The following SUCO variants were observed in gnomAD, a reference collection of about 807,000 sequenced individuals.
SUCO encodes SUN domain-containing ossification factor.
In SUCO, 57 loss-of-function variants were observed where a neutral mutation model predicts 148.1. The ratio of observed to expected loss-of-function variants is 0.38; its 90% CI spans 0.31 to 0.48. The LOEUF is 0.48. Ranked by LOEUF, SUCO falls within the 20% of genes least tolerant of loss-of-function variation. The probability of loss-of-function intolerance (pLI) is 0.96; values close to 1 mark genes in which losing one functional copy is unlikely to be tolerated. For synonymous variants in SUCO, 470 were observed against 502.7 expected, an observed-to-expected ratio of 0.93 and a Z score of 0.87; for missense variants, 1,331 against 1,468.2, an observed-to-expected ratio of 0.91 and a Z score of 1.53.
At chr1:172,573,689 G>A (rs1477433020) in intron 9 of SUCO, among the ~76,000 whole-genome samples, 1 of 151,932 alleles carries the variant, frequency 6.6e-6, no homozygotes, top group Admixed American at 6.6e-5. Flanking sequence ...TTTATTTACA[G>A]GTCTTTTCCC....
chr1:172,553,624 A>G (rs886103623), intron 3 of SUCO, among the ~76,000 whole-genome samples: 2 of 152,002 alleles, frequency 1.3e-5, no homozygotes, highest in African/African-American at 4.8e-5. Flanking sequence ...CCTCGGTTCT[A>G]TTTTGGTTCA....
chr1:172,609,969 A>G lies in SUCO; in HGVS notation c.3475A>G (p.Lys1159Glu), dbSNP rs1021379236. The change falls in exon 24 of 24, where the codon AAA becomes GAA. Residue 1159 changes from lysine (K) to glutamate (E), a missense_variant. By Grantham distance (56) the Lys-to-Glu change is moderately conservative (BLOSUM62 1). This residue lies in a region of SUCO where 334 missense variants were observed against 352.3 expected (regional missense o/e 0.95). Transcript: ENST00000263688. ...GGGAGAAGTTTATCACTCTTCTTATAAAGGTCCTCCATCTGAAGGAAGCTC... is the reference window on the plus strand; with the variant it reads ...GGGAGAAGTTTATCACTCTTCTTATGAAGGTCCTCCATCTGAAGGAAGCTC... ...NMGEVYHSSYKGPPSEGSSET... is the reference protein window; with the variant it reads ...NMGEVYHSSYEGPPSEGSSET... 6.2e-7 allele frequency: 1 copy of G among 1,613,970 alleles called. No homozygotes were observed. The highest frequency in any genetic ancestry group is 1.3e-5 in the African/African-American group (1 of 75,028).
At chr1:172,599,921 A>G (rs1243370782) in intron 19 of SUCO, 143 bp from the exon 20 acceptor site, 2 of 589,962 alleles carry the variant, frequency 3.4e-6, no homozygotes, top group Non-Finnish European at 5.7e-6. Context: ...ATTTCTGTTC[A>G]AAGTTTACTT....
At chr1:172,574,643 C>T (rs534141535) in intron 10 of SUCO, among the ~76,000 whole-genome samples, 31 of 151,866 alleles carry the variant, frequency 2.0e-4, no homozygotes, top group South Asian at 8.3e-4. Flanking sequence ...GTCTTTTACA[C>T]GTATCATTTT....
intron 15 of SUCO, among the ~76,000 whole-genome samples, chr1:172,583,242 CT>C (rs1210147550): frequency 1.3e-5 from 2 of 152,122 alleles, no homozygotes; most frequent in Non-Finnish European, 2.9e-5. Context: ...ACCGCAGCAT[CT>C]CTTTAGCTTA....
intron 6 of SUCO, among the ~76,000 whole-genome samples, chr1:172,562,213 A>G (rs894419431): frequency 6.6e-6 from 1 of 152,246 alleles, no homozygotes; most frequent in Non-Finnish European, 1.5e-5. Context: ...TCACAAAAAA[A>G]GCTAAAAGAG....
At chr1:172,543,031 A>G (rs1380719263) in intron 1 of SUCO, 1 of 983,556 alleles carries the variant, frequency 1.0e-6, no homozygotes, top group Non-Finnish European at 1.2e-6. Flanking sequence ...GAGATGTAGA[A>G]GAGTACATAA....
At chr1:172,535,774 T>C (rs533477131) in intron 1 of SUCO, among the ~76,000 whole-genome samples, 2 of 152,324 alleles carry the variant, frequency 1.3e-5, no homozygotes, top group Admixed American at 1.3e-4. Context: ...AGTATTCTAG[T>C]TTCTGAGGTT....
chr1:172,586,067 C>G lies in SUCO; in HGVS notation c.1658+119C>G, dbSNP rs530739589. ...TGATTACCTGTAGAGAGCTCTGAAT[C>G]ATAGGATAGACATTCTGTGGCCACT... On this transcript the variant is annotated intron_variant, in intron 17 of 23. Coordinates refer to ENST00000263688, the MANE Select transcript of SUCO (RefSeq NM_014283.5). 4 of 584,922 alleles carry G rather than the reference C, an allele frequency of 6.8e-6. No homozygotes were observed. In the African/African-American group the frequency reaches 7.7e-5, roughly 11 times the overall value. 36.2% of individuals were successfully genotyped at this position (584,922 alleles called of 1,614,324 possible). A position where few individuals can be genotyped will look rare whatever the true frequency, so the allele number is the denominator to read the frequency against.
chr1:172,584,179 A>G (rs999726348), intron 15 of SUCO, among the ~76,000 whole-genome samples: 8 of 152,204 alleles, frequency 5.3e-5, no homozygotes, highest in Non-Finnish European at 1.2e-4. Flanking sequence ...TAACCATATT[A>G]CCATAGATAT....
Position 172,572,077 on chromosome 1 carries a change from T to TGG in SUCO, c.1049+1352_1049+1353dup, listed in dbSNP as rs528702208. On this transcript the variant is annotated intron_variant, in intron 9 of 23. Coordinates refer to ENST00000263688, the MANE Select transcript of SUCO (RefSeq NM_014283.5). Reference sequence around the variant, plus strand: ...CCAGCCGCCCCGTCCGGGAGGGAGGTGGGGGGTCAGCCCCCGCCTGGCAAG... The same window carrying TGG: ...CCAGCCGCCCCGTCCGGGAGGGAGGTGGGGGGGGTCAGCCCCCGCCTGGCAAG... Among the ~76,000 whole-genome samples the TGG allele has an allele frequency of 8.0e-5, 4 of 49,820 alleles. 1 individual carries two copies. Among genetic ancestry groups the TGG allele is most frequent in the Admixed American group, 1.8e-4 (1 of 5,554 alleles). The allele number at this position is 49,820 out of a possible 152,430, so 32.7% of individuals were successfully genotyped here. A position where few individuals can be genotyped will look rare whatever the true frequency, so the allele number is the denominator to read the frequency against.
At chr1:172,597,178 C>T (rs940055896) in intron 19 of SUCO, among the ~76,000 whole-genome samples, 2 of 152,256 alleles carry the variant, frequency 1.3e-5, no homozygotes, top group African/African-American at 4.8e-5. Flanking sequence ...TTTCCAGGTA[C>T]CATCTGTCAC....
chr1:172,562,264 G>T (rs1487189922), intron 6 of SUCO, among the ~76,000 whole-genome samples: 4 of 150,592 alleles, frequency 2.7e-5, no homozygotes, highest in Admixed American at 2.6e-4. Context: ...TAGATTACAA[G>T]ATTGAAAAGC....
rs774496294 is a variant in SUCO at position 172,589,329 on chromosome 1, C to A, written c.2228C>A (p.Pro743His). The change falls in exon 18 of 24, where the codon CCC (proline) becomes CAC (histidine). Residue 743 changes from proline (P) to histidine (H), a missense_variant. Pro to His is a moderately conservative substitution (Grantham distance 77). This residue lies in a region of SUCO where 992 missense variants were observed against 1,093.5 expected (regional missense o/e 0.91). Transcript: ENST00000263688. ...LLLDITPEIN[P>H]LPKIEVSESV... ...TTAGATATTACCCCAGAAATCAATC[C>A]CTTGCCTAAAATAGAAGTATCTGAG... is the stretch of plus-strand genomic sequence containing the variant. 16 of 1,613,166 alleles carry A rather than the reference C, an allele frequency of 9.9e-6. No homozygotes were observed. In the African/African-American group the frequency reaches 2.1e-4, roughly 22 times the overall value.
intron 1 of SUCO, 34 bp downstream of exon 1, chr1:172,533,531 AG>A: frequency 6.6e-7 from 1 of 1,511,118 alleles, no homozygotes; most frequent in Non-Finnish European, 8.9e-7. Flanking sequence ...AGTTCCCGTG[AG>A]GGGAGTAAAT....
upstream of SUCO, chr1:172,532,957 T>G (rs1332601130): frequency 1.1e-6 from 1 of 909,852 alleles, no homozygotes; most frequent in African/African-American, 1.8e-5. Context: ...GCCTGCGACG[T>G]CGAAGGGGGC....
intron 1 of SUCO, among the ~76,000 whole-genome samples, chr1:172,539,804 G>A (rs1216000829): frequency 1.3e-5 from 2 of 152,094 alleles, no homozygotes; most frequent in Non-Finnish European, 2.9e-5. Flanking sequence ...GTTAAAAATG[G>A]GAATTTATAA....
intron 6 of SUCO, among the ~76,000 whole-genome samples, chr1:172,560,215 G>T (rs979743125): frequency 2.0e-5 from 3 of 152,186 alleles, no homozygotes; most frequent in Non-Finnish European, 4.4e-5. Context: ...TTAGTAACAA[G>T]ACAGCCTTCA....
At chr1:172,547,896 GGA>G (rs1195305480) in intron 1 of SUCO, among the ~76,000 whole-genome samples, 19 of 152,190 alleles carry the variant, frequency 1.2e-4, no homozygotes, top group Admixed American at 1.3e-4. Flanking sequence ...TAAGTTACTG[GGA>G]GAGAGGGAAC....
Sources: allele counts gnomAD v4.1 joint callset (sites outside exome capture counted in the v4.1 genomes callset), GRCh38; gene constraint gnomAD v4.1.1; regional missense constraint gnomAD v4.1.1; transcripts MANE v1.5; gene names NCBI Gene and HGNC (gene_info 2026-07-23, HGNC 2026-07-21).